TCERG1L: variants seen among roughly 807,000 people sequenced by gnomAD.
The protein encoded by TCERG1L is transcription elongation regulator 1-like protein.
TCERG1L carries 37 observed loss-of-function variants against 56.3 expected under a neutral mutation model. That is an observed-to-expected ratio of 0.66 (90% confidence interval 0.51 to 0.87). The LOEUF is 0.87. Ranked by LOEUF, TCERG1L falls within the 40% of genes least tolerant of loss-of-function variation. The pLI is 0.00. For synonymous variants in TCERG1L, 324 were observed against 326.3 expected, an observed-to-expected ratio of 0.99 and a Z score of 0.08; for missense variants, 799 against 774.2, an observed-to-expected ratio of 1.03 and a Z score of -0.38.
intron 5 of TCERG1L, among the ~76,000 whole-genome samples, chr10:131,165,193 AGT>A (rs931158073): frequency 1.3e-5 from 2 of 152,220 alleles, no homozygotes; most frequent in African/African-American, 4.8e-5. Context: ...AGTTATCCAG[AGT>A]GAGTGGCCCA....
rs772020921 is a variant in TCERG1L at position 131,104,251 on chromosome 10, T to C, written c.1485+14A>G. The C allele has an allele frequency of 1.3e-6, 2 of 1,537,826 alleles. No homozygotes were observed. The highest frequency in any genetic ancestry group is 1.4e-5 in the African/African-American group (1 of 72,774). On this transcript the variant is annotated intron_variant, in intron 10 of 11. Coordinates refer to ENST00000368642, the MANE Select transcript of TCERG1L (RefSeq NM_174937.4). ...CCATGTCTCTGCAGTCAAAGTGCCT[T>C]CCCACCCAGTTACCTGCTTTCGTTC...
chr10:131,293,778 C>CT (rs1846660082), intron 3 of TCERG1L, among the ~76,000 whole-genome samples: 2 of 152,224 alleles, frequency 1.3e-5, no homozygotes. Flanking sequence ...TTTCCTCTTT[C>CT]TTTAACTCTT....
At chr10:131,228,540 C>T (rs1279846333) in intron 4 of TCERG1L, among the ~76,000 whole-genome samples, 1 of 34,924 alleles carries the variant, frequency 2.9e-5, no homozygotes, top group Non-Finnish European at 5.2e-5. Context: ...TTCCTCAAGG[C>T]CTCACGAGTC....
rs904503156 is a variant in TCERG1L, at chr10:131,113,806, C to A, written c.1395+2993G>T. On this transcript the variant is annotated intron_variant, in intron 9 of 11. Coordinates refer to ENST00000368642, the MANE Select transcript of TCERG1L (RefSeq NM_174937.4). ...CTCAAAAGGACTTTCTCTCCTGGCC[C>A]CTGGGTGAGCATCACCTGCTTGTGA... is the stretch of plus-strand genomic sequence containing the variant. Among the ~76,000 whole-genome samples the A allele has an allele frequency of 2.1e-5, 3 of 141,818 alleles. 1 individual carries two copies. The highest frequency in any genetic ancestry group is 3.2e-5 in the Non-Finnish European group (2 of 63,170). The allele number at this position is 141,818 out of a possible 152,430, so 93.0% of individuals were successfully genotyped here.
At chr10:131,251,986 T>C (rs1024100154) in intron 4 of TCERG1L, among the ~76,000 whole-genome samples, 5 of 152,216 alleles carry the variant, frequency 3.3e-5, no homozygotes, top group African/African-American at 1.2e-4. Flanking sequence ...TATCTGTCCC[T>C]GTGAATCCGA....
intron 4 of TCERG1L, among the ~76,000 whole-genome samples, chr10:131,168,405 T>C (rs1846054086): frequency 6.6e-6 from 1 of 152,188 alleles, no homozygotes; most frequent in Admixed American, 6.5e-5. Context: ...GGCACCTGTC[T>C]GGCTTGCGGC....
intron 5 of TCERG1L, among the ~76,000 whole-genome samples, chr10:131,165,669 T>C (rs911023775): frequency 1.3e-5 from 2 of 152,158 alleles, no homozygotes; most frequent in Admixed American, 1.3e-4. Context: ...ACAAGAAGTC[T>C]CTGAGTGGTA....
At chr10:131,165,561 CA>C (rs970725402) in intron 5 of TCERG1L, among the ~76,000 whole-genome samples, 2 of 152,038 alleles carry the variant, frequency 1.3e-5, no homozygotes, top group Non-Finnish European at 2.9e-5. Context: ...ACACTTGTCT[CA>C]AAAAATATAT....
intron 4 of TCERG1L, among the ~76,000 whole-genome samples, chr10:131,170,958 C>G (rs1456441669): frequency 3.9e-5 from 6 of 152,084 alleles, no homozygotes; most frequent in African/African-American, 1.4e-4. Flanking sequence ...CCAGCCTGGC[C>G]AAGATGGTGA....
At chr10:131,235,198 G>C (rs1845900668) in intron 4 of TCERG1L, among the ~76,000 whole-genome samples, 1 of 152,192 alleles carries the variant, frequency 6.6e-6, no homozygotes, top group African/African-American at 2.4e-5. Context: ...GCCTAATGTA[G>C]TTTACCCTTA....
At chr10:131,246,222 T>C (rs1460318692) in intron 4 of TCERG1L, among the ~76,000 whole-genome samples, 1 of 152,124 alleles carries the variant, frequency 6.6e-6, no homozygotes, top group African/African-American at 2.4e-5. Context: ...GTGGCTGCAC[T>C]CAGTGAGGCT....
chr10:131,191,748 C>T (rs998894394), intron 4 of TCERG1L, among the ~76,000 whole-genome samples: 1 of 138,320 alleles, frequency 7.2e-6, no homozygotes, highest in African/African-American at 2.8e-5. Context: ...ACTTGTAGTC[C>T]CAGCTACTCG....
intron 8 of TCERG1L, among the ~76,000 whole-genome samples, chr10:131,127,648 C>T (rs868016901): frequency 2.0e-5 from 3 of 152,104 alleles, no homozygotes; most frequent in Admixed American, 2.0e-4. Flanking sequence ...CAATGCAGAG[C>T]GAAGGGACAG....
rs374582726 is a variant in TCERG1L at position 131,154,824 on chromosome 10, G to A, written c.1035-8164C>T. Among the ~76,000 whole-genome samples the A allele has an allele frequency of 1.1e-4, 16 of 152,352 alleles. No individual in the cohort carries two copies. In the East Asian group the frequency reaches 2.3e-3, roughly 22 times the overall value. ...AGATATGCAAGACAAGGACACGAGC[G>A]TGCAACAGGCGTGCTGTGCTGGAAC... On this transcript the variant is annotated intron_variant, in intron 6 of 11. Transcript: ENST00000368642.
In TCERG1L at chr10:131,135,042, T is replaced by A. The variant is rs376335146; in HGVS notation, c.1190-594A>T. On this transcript the variant is annotated intron_variant, in intron 7 of 11. Transcript: ENST00000368642. ...GGCAGTCAGCCCTGAAAACGTTTGATGAACTTTTGGAATGAAAAAGTAAAA... is the reference window on the plus strand; with the variant it reads ...GGCAGTCAGCCCTGAAAACGTTTGAAGAACTTTTGGAATGAAAAAGTAAAA... Among the ~76,000 whole-genome samples the A allele has an allele frequency of 8.5e-5, 13 of 152,364 alleles. No individual in the cohort carries two copies. In the East Asian group the frequency reaches 1.5e-3, roughly 18 times the overall value.
intron 3 of TCERG1L, among the ~76,000 whole-genome samples, chr10:131,305,768 A>G (rs1199956362): frequency 6.6e-6 from 1 of 151,990 alleles, no homozygotes; most frequent in Non-Finnish European, 1.5e-5. Flanking sequence ...TCGATAAAAT[A>G]TATCTGATTC....
chr10:131,116,021 C>T (rs547006588), intron 9 of TCERG1L, among the ~76,000 whole-genome samples: 72 of 152,278 alleles, frequency 4.7e-4, no homozygotes, highest in African/African-American at 1.6e-3. Flanking sequence ...AGGCCATTTG[C>T]GTGTTCATTA....
In TCERG1L at chr10:131,260,116, C is replaced by T. The variant is rs1215886646; in HGVS notation, c.856+143G>A. The T allele has an allele frequency of 5.7e-6, 7 of 1,228,794 alleles. No homozygotes were observed. The highest frequency in any genetic ancestry group is 6.3e-5 in the East Asian group (2 of 31,616). 76.1% of individuals were successfully genotyped at this position (1,228,794 alleles called of 1,614,324 possible). A position where few individuals can be genotyped will look rare whatever the true frequency, so the allele number is the denominator to read the frequency against. ...GGTCCGAAGTCAAGCAAAGCCCAAACGGCCCCAGCCGAATGTTTCCCTCAA... is the reference window on the plus strand; with the variant it reads ...GGTCCGAAGTCAAGCAAAGCCCAAATGGCCCCAGCCGAATGTTTCCCTCAA... On this transcript the variant is annotated intron_variant, in intron 4 of 11. Transcript: ENST00000368642. The surrounding 1 kb of genome is among the most constrained non-coding windows in gnomAD (Gnocchi z 5.8).
At chr10:131,236,335 T>C (rs1845912447) in intron 4 of TCERG1L, among the ~76,000 whole-genome samples, 1 of 152,202 alleles carries the variant, frequency 6.6e-6, no homozygotes, top group African/African-American at 2.4e-5. Flanking sequence ...ACAATTCGAT[T>C]AAAACTGCCA....
Sources: gnomAD v4.1 joint callset for allele counts (sites outside exome capture counted in the v4.1 genomes callset) on GRCh38, gnomAD v4.1.1 for gene constraint, Gnocchi (gnomAD v3.1) non-coding constraint, MANE v1.5 for transcripts, NCBI Gene and HGNC (gene_info 2026-07-23, HGNC 2026-07-21) for gene names.